GALNTL6: variants seen among roughly 807,000 people sequenced by gnomAD.
GALNTL6 encodes the protein polypeptide N-acetylgalactosaminyltransferase-like 6.
In GALNTL6, 46 loss-of-function variants were observed where a neutral mutation model predicts 73.7. The observed-to-expected ratio is 0.62, with a 90% confidence interval of 0.49 to 0.80. GALNTL6 has a LOEUF of 0.80. GALNTL6 is among the 30% of genes least tolerant of loss of function. The probability of loss-of-function intolerance (pLI) is 0.00; values close to 1 mark genes in which losing one functional copy is unlikely to be tolerated. For missense variants in GALNTL6, 604 were observed against 755.0 expected (o/e 0.80, Z 2.34); for synonymous variants, 259 against 263.7 (o/e 0.98, Z 0.17).
At chr4:172,592,656 C>CTG (rs1737684321) in intron 5 of GALNTL6, among the ~76,000 whole-genome samples, 1 of 131,672 alleles carries the variant, frequency 7.6e-6, no homozygotes, top group Admixed American at 8.0e-5. Flanking sequence ...AAATCTATAT[C>CTG]TGTCTGTCTG....
At chr4:172,279,642 C>T (rs1738971528) in intron 3 of GALNTL6, among the ~76,000 whole-genome samples, 1 of 152,036 alleles carries the variant, frequency 6.6e-6, no homozygotes, top group Non-Finnish European at 1.5e-5. Flanking sequence ...ATGGTGCAAT[C>T]ACTAGGCAAA....
chr4:172,276,372 T>C (rs1435070053), intron 3 of GALNTL6, among the ~76,000 whole-genome samples: 2 of 152,222 alleles, frequency 1.3e-5, no homozygotes, highest in Non-Finnish European at 2.9e-5. Context: ...CTTGGTAGCA[T>C]TGTAAGGACC....
chr4:172,371,689 C>T (rs962506121), intron 5 of GALNTL6, among the ~76,000 whole-genome samples: 9 of 152,012 alleles, frequency 5.9e-5, no homozygotes, highest in Middle Eastern at 3.2e-3. Flanking sequence ...CTCTTCCTCT[C>T]TCTCTCTCTC....
intron 5 of GALNTL6, among the ~76,000 whole-genome samples, chr4:172,771,040 A>G (rs560939173): frequency 4.5e-4 from 69 of 152,330 alleles, no homozygotes; most frequent in Non-Finnish European, 9.1e-4. Flanking sequence ...ATATCAGACC[A>G]AAGGGAAAAC....
intron 7 of GALNTL6, among the ~76,000 whole-genome samples, chr4:172,839,496 G>C (rs147279183): frequency 6.6e-6 from 1 of 152,316 alleles, no homozygotes; most frequent in East Asian, 1.9e-4. Context: ...TGGCCACATA[G>C]AGGTGTGAAG....
chr4:172,568,153 G>A (rs908881685), intron 5 of GALNTL6, among the ~76,000 whole-genome samples: 3 of 152,040 alleles, frequency 2.0e-5, no homozygotes, highest in African/African-American at 7.2e-5. Flanking sequence ...TGTTAATTCT[G>A]TACAAACCAA....
chr4:172,426,916 T>TTATATATATATATATATATA (rs35184907), intron 5 of GALNTL6, among the ~76,000 whole-genome samples: 34 of 149,480 alleles, frequency 2.3e-4, no homozygotes, highest in African/African-American at 8.1e-4. Context: ...GTAAGGACTC[T>TTATATATATATATATATATA]TATATATATA....
chr4:172,487,320 TTC>T (rs1733716935), intron 5 of GALNTL6, among the ~76,000 whole-genome samples: 1 of 120,912 alleles, frequency 8.3e-6, no homozygotes, highest in East Asian at 2.1e-4. Context: ...CTTTCTTTCT[TTC>T]TTTCTTTCTT....
At chr4:172,439,784 A>T (rs906368271) in intron 5 of GALNTL6, among the ~76,000 whole-genome samples, 1 of 152,028 alleles carries the variant, frequency 6.6e-6, no homozygotes, top group African/African-American at 2.4e-5. Context: ...TTTTTAGAGA[A>T]GTTTTAGGTG....
intron 5 of GALNTL6, among the ~76,000 whole-genome samples, chr4:172,805,532 A>G (rs1740904553): frequency 6.6e-6 from 1 of 152,160 alleles, no homozygotes; most frequent in African/African-American, 2.4e-5. Context: ...GGATTTTAAC[A>G]GTAATTTATT....
At chr4:172,145,459 G>C (rs770454521) in intron 2 of GALNTL6, among the ~76,000 whole-genome samples, 3 of 151,920 alleles carry the variant, frequency 2.0e-5, no homozygotes, top group Non-Finnish European at 4.4e-5. Context: ...TGTCCAGGCT[G>C]GTCTCAAACT....
intron 2 of GALNTL6, among the ~76,000 whole-genome samples, chr4:172,160,911 TACAC>T (rs141929757): frequency 0.14 from 9,358 of 66,218 alleles, 286 homozygotes; most frequent in Admixed American, 0.19. Context: ...CACACACACA[TACAC>T]ACACACACAC....
chr4:172,692,698 C>T (rs1305848800), intron 5 of GALNTL6, among the ~76,000 whole-genome samples: 1 of 152,042 alleles, frequency 6.6e-6, no homozygotes, highest in Non-Finnish European at 1.5e-5. Context: ...CCCTCCCTTA[C>T]TAATAAGTTG....
chr4:171,846,284 G>C (rs775589748), intron 2 of GALNTL6, among the ~76,000 whole-genome samples: 6 of 152,152 alleles, frequency 3.9e-5, no homozygotes, highest in Non-Finnish European at 8.8e-5. Context: ...GTGACTTGCA[G>C]ACAGTGCAAA....
At chr4:171,862,245 A>G (rs1735849161) in intron 2 of GALNTL6, among the ~76,000 whole-genome samples, 1 of 152,110 alleles carries the variant, frequency 6.6e-6, no homozygotes, top group South Asian at 2.1e-4. Context: ...TAGCATATTC[A>G]TATGTAGAAT....
chr4:173,035,048 C>T (rs908560305), intron 12 of GALNTL6, among the ~76,000 whole-genome samples: 7 of 151,670 alleles, frequency 4.6e-5, no homozygotes, highest in African/African-American at 1.7e-4. Context: ...TCATATCCTA[C>T]TCACCCTCAT....
chr4:172,739,549 T>C (rs28587581), intron 5 of GALNTL6, among the ~76,000 whole-genome samples: 54,575 of 152,042 alleles, frequency 0.36, 10,855 homozygotes, highest in African/African-American at 0.52. Flanking sequence ...CAAGAGCTTA[T>C]CTCAATCATT....
At chr4:172,984,452 T>G (rs1481703724) in intron 10 of GALNTL6, among the ~76,000 whole-genome samples, 1 of 152,178 alleles carries the variant, frequency 6.6e-6, no homozygotes, top group Non-Finnish European at 1.5e-5. Flanking sequence ...GTCCTGCCCT[T>G]GACATGTGGG....
chr4:171,847,065 G>C (rs2110854022), intron 2 of GALNTL6, among the ~76,000 whole-genome samples: 1 of 151,104 alleles, frequency 6.6e-6, no homozygotes, highest in African/African-American at 2.4e-5. Flanking sequence ...TCCCCTACGA[G>C]CAATGGTCAG....
Sources: gnomAD v4.1 joint callset for allele counts (sites outside exome capture counted in the v4.1 genomes callset) on GRCh38, gnomAD v4.1.1 for gene constraint, MANE v1.5 for transcripts, NCBI Gene and HGNC (gene_info 2026-07-23, HGNC 2026-07-21) for gene names.